TNK2: variants seen among roughly 807,000 people sequenced by gnomAD.
TNK2 encodes tyrosine kinase non receptor 2.
Under a neutral mutation model 101.8 loss-of-function variants are expected in TNK2, and 83 were observed. The ratio of observed to expected loss-of-function variants is 0.82; its 90% confidence interval spans 0.68 to 0.98. The LOEUF (loss-of-function observed/expected upper bound fraction) is 0.98, where lower values mean the gene tolerates loss of function less well. Ranked by LOEUF, TNK2 falls within the 50% of genes least tolerant of loss-of-function variation. The pLI is 0.00. For missense variants in TNK2, 1,665 were observed against 1,483.2 expected, an observed-to-expected ratio of 1.12 and a Z score of -2.01; for synonymous variants, 804 against 633.0, an observed-to-expected ratio of 1.27 and a Z score of -4.06.
intron 10 of TNK2, chr3:195,870,480 AC>A: frequency 1.7e-5 from 20 of 1,145,560 alleles, no homozygotes; most frequent in East Asian, 5.3e-5. Flanking sequence ...GTCCTCCACA[AC>A]CCCCCAGGCC....
In TNK2 at chr3:195,870,123, C is replaced by A; in HGVS notation, c.1534G>T (p.Gly512Trp). 2 of 1,465,852 alleles carry A rather than the reference C, an allele frequency of 1.4e-6. No homozygotes were observed. Among genetic ancestry groups the A allele is most frequent in the Non-Finnish European group, 1.8e-6 (2 of 1,103,112 alleles). 90.8% of individuals were successfully genotyped at this position (1,465,852 alleles called of 1,614,324 possible). A position where few individuals can be genotyped will look rare whatever the true frequency, so the allele number is the denominator to read the frequency against. ...GCAGAGGGGCTCTTACTTTTCACCC[C>A]TCCTAGATGCTGGGGGGGCCGGGAG... ...STSRPPQHLG[G>W]VKREPPPRPP... The change falls in exon 11 of 16, where the codon GGG (glycine) becomes TGG (tryptophan). Residue 512 changes from glycine to tryptophan, a missense_variant. This residue lies in a region of TNK2 where 1,136 missense variants were observed against 894.9 expected (regional missense o/e 1.27). Transcript: ENST00000672887.
At chr3:195,896,085 C>T (rs1174784437) in intron 1 of TNK2, 2 of 455,624 alleles carry the variant, frequency 4.4e-6, no homozygotes, top group Non-Finnish European at 8.8e-6. Context: ...CACGAGGGCC[C>T]GGACTCCTGC....
In TNK2 at chr3:195,878,520, C is replaced by T. The variant is rs1750668183; in HGVS notation, c.1087G>A (p.Val363Ile). ...PEDCPQDIYN[V>I]MVQCWAHKPE... The stretch of plus-strand genomic sequence containing the variant: ...TTGTGAGCCCAGCACTGGACCATGA[C>T]GTTGTAGATGTCCTGGGGACAGTCC... The change falls in exon 8 of 16, where the codon GTC becomes ATC. Residue 363 changes from valine (V) to isoleucine (I), a missense_variant. Coordinates refer to ENST00000672887, the MANE Select transcript of TNK2 (RefSeq NM_001382273.1). This position sits in a 1 kb window ranked among gnomAD's most constrained non-coding sequence, Gnocchi z 4.7. 1.9e-6 allele frequency: 3 copies of T among 1,613,740 alleles called. No homozygotes were observed. The highest frequency in any genetic ancestry group is 2.2e-5 in the East Asian group (1 of 44,890).
chr3:195,895,156 C>T (rs930114212), intron 1 of TNK2: 3 of 1,289,652 alleles, frequency 2.3e-6, no homozygotes, highest in African/African-American at 3.1e-5. Context: ...CTCCTGAGGC[C>T]GCCGCAGGGG....
chr3:195,871,938 C>A (rs1274440948), intron 10 of TNK2, among the ~76,000 whole-genome samples: 1 of 151,324 alleles, frequency 6.6e-6, no homozygotes, highest in Non-Finnish European at 1.5e-5. Context: ...GAACCCTCCC[C>A]TGGAGAACAT....
intron 1 of TNK2, chr3:195,895,371 C>T (rs752011991): frequency 6.4e-7 from 1 of 1,554,888 alleles, no homozygotes; most frequent in South Asian, 1.2e-5. Flanking sequence ...GCAGCGGCAC[C>T]GGCAGCGTCA....
At position 195,885,758 on chromosome 3, in the gene TNK2, G is replaced by A; in HGVS notation, c.235-725C>T. On this transcript the variant is annotated intron_variant, in intron 3 of 15. Coordinates refer to ENST00000672887, the MANE Select transcript of TNK2 (RefSeq NM_001382273.1). This position sits in a 1 kb window ranked among gnomAD's most constrained non-coding sequence, Gnocchi z 4.7. Reference sequence around the variant, plus strand: ...CCGAAGGTCAAGGGACAGAAGAAAGGAGGCCATGAGGGTCAAAGCTGGCCA... The same window carrying A: ...CCGAAGGTCAAGGGACAGAAGAAAGAAGGCCATGAGGGTCAAAGCTGGCCA... 1 of 407,872 alleles carries A rather than the reference G, an allele frequency of 2.5e-6. No individual in the cohort carries two copies. Among genetic ancestry groups the A allele is most frequent in the Non-Finnish European group, 4.5e-6 (1 of 224,684 alleles). The allele number at this position is 407,872 out of a possible 1,614,324, so 25.3% of individuals were successfully genotyped here. A position where few individuals can be genotyped will look rare whatever the true frequency, so the allele number is the denominator to read the frequency against.
Position 195,903,029 on chromosome 3 carries a change from C to T in TNK2, c.-19+5456G>A, listed in dbSNP as rs535207025. On this transcript the variant is annotated intron_variant, in intron 1 of 15. Coordinates refer to ENST00000672887, the MANE Select transcript of TNK2 (RefSeq NM_001382273.1). ...CCTCCCAAAGTACTGGGATTACAGG[C>T]GTGAGCCACCGCACCCGGCCAGCTA... is the stretch of plus-strand genomic sequence containing the variant. Among the ~76,000 whole-genome samples the T allele has an allele frequency of 7.9e-5, 12 of 151,586 alleles. No homozygotes were observed. The South Asian group carries it at 1.9e-3, about 24-fold the overall frequency.
chr3:195,870,893 AGTGTGTGTGGGCCCGCTGTGTGGGTTCTG>A (rs1315572794), intron 10 of TNK2, among the ~76,000 whole-genome samples: 6 of 133,650 alleles, frequency 4.5e-5, no homozygotes, highest in Admixed American at 1.5e-4. Context: ...TTGGGGTTCC[AGTGTGTGTGGGCCCGCTGTGTGGGTTCTG>A]GTGTGTGGGG....
chr3:195,873,049 C>T (rs1007098830), intron 9 of TNK2, among the ~76,000 whole-genome samples: 14 of 152,140 alleles, frequency 9.2e-5, no homozygotes, highest in Non-Finnish European at 2.1e-4. Context: ...TAGGAGCACT[C>T]GGGCAACTCA....
At position 195,882,188 on chromosome 3, in the gene TNK2, G is replaced by C; in HGVS notation, c.750C>G (p.His250Gln). 6.2e-7 allele frequency: 1 copy of C among 1,613,910 alleles called. No homozygotes were observed. The highest frequency in any genetic ancestry group is 8.5e-7 in the Non-Finnish European group (1 of 1,180,022). Reference sequence around the variant, plus strand: ...GCAGATTGCGGGCAGCCAGGTCACGGTGAATAAAGCGCTTGGACTCCAGGT... The same window carrying C: ...GCAGATTGCGGGCAGCCAGGTCACGCTGAATAAAGCGCTTGGACTCCAGGT... ...MGYLESKRFI[H>Q]RDLAARNLLL... The change falls in exon 6 of 16, where the codon CAC becomes CAG. Residue 250 changes from histidine to glutamine, a missense_variant. His to Gln is a conservative substitution (Grantham distance 24). Coordinates refer to ENST00000672887, the MANE Select transcript of TNK2 (RefSeq NM_001382273.1). This position sits in a 1 kb window ranked among gnomAD's most constrained non-coding sequence, Gnocchi z 4.2.
rs62283329 is a variant in TNK2, at chr3:195,868,090, C to G, written c.2208G>C (p.Pro736=). The change falls in exon 13 of 16, where the codon CCG becomes CCC. Residue 736 remains proline, a synonymous_variant. Transcript: ENST00000672887. ...QQECMRQLQA[P]AGSPAPSPSP... is the part of the protein sequence containing the mutation. ...TGGGAGAGGGGGCCGGGGAGCCGGC[C>G]GGAGCCTGCAGTTGCCTCATGCACT... The G allele has an allele frequency of 6.2e-7, 1 of 1,610,132 alleles. No homozygotes were observed. The highest frequency in any genetic ancestry group is 1.1e-5 in the South Asian group (1 of 90,806).
At position 195,878,667 on chromosome 3, in the gene TNK2, C is replaced by T. The variant is rs1001008895; in HGVS notation, c.1015-75G>A. 9.3e-5 allele frequency: 145 copies of T among 1,554,756 alleles called. No homozygotes were observed. The highest frequency in any genetic ancestry group is 1.2e-4 in the Non-Finnish European group (142 of 1,150,092). On this transcript the variant is annotated intron_variant, in intron 7 of 15. Transcript: ENST00000672887. The surrounding 1 kb of genome is among the most constrained non-coding windows in gnomAD (Gnocchi z 4.7). The stretch of plus-strand genomic sequence containing the variant: ...TTCACTTCCCGCCTTCCCTCCAGCC[C>T]ATCCACAGCTGCAGCGGCTGCTGCC...
In TNK2 at chr3:195,868,090, C is replaced by T. The variant is rs62283329; in HGVS notation, c.2208G>A (p.Pro736=). The stretch of plus-strand genomic sequence containing the variant: ...TGGGAGAGGGGGCCGGGGAGCCGGC[C>T]GGAGCCTGCAGTTGCCTCATGCACT... ...QQECMRQLQA[P]AGSPAPSPSP... is the part of the protein sequence containing the mutation. Residue 736 remains proline, a synonymous_variant, in exon 13 of 16, where the codon CCG becomes CCA. Transcript: ENST00000672887. 14,851 of 1,610,118 alleles carry T rather than the reference C, an allele frequency of 9.2e-3. 118 individuals are homozygous for T. The highest frequency in any genetic ancestry group is 0.01 in the Non-Finnish European group (12,207 of 1,179,064).
At chr3:195,904,375 A>G (rs1243010434) in intron 1 of TNK2, among the ~76,000 whole-genome samples, 1 of 152,162 alleles carries the variant, frequency 6.6e-6, no homozygotes, top group African/African-American at 2.4e-5. Flanking sequence ...ATTCTGACAT[A>G]TGCTGCAATG....
intron 15 of TNK2, among the ~76,000 whole-genome samples, chr3:195,865,694 G>T (rs879437801): frequency 4.7e-5 from 7 of 149,884 alleles, no homozygotes; most frequent in Non-Finnish European, 1.0e-4. Context: ...AATCAGTTAA[G>T]AACGACCCGA....
Position 195,870,181 on chromosome 3 carries a change from G to C in TNK2, c.1476C>G (p.Asp492Glu), listed in dbSNP as rs775825907. The change falls in exon 11 of 16, where the codon GAC becomes GAG. Residue 492 changes from aspartate to glutamate, a missense_variant. Physicochemically the swap from Asp to Glu is conservative, Grantham distance 45 (BLOSUM62 2). Coordinates refer to ENST00000672887, the MANE Select transcript of TNK2 (RefSeq NM_001382273.1). ...IDELYLGNPM[D>E]PPDLLSVELS... ...GTTCCACGCTCAGGAGGTCGGGGGG[G>C]TCCATGGGGTTTCCCAGATACAGTC... 29 of 1,520,118 alleles carry C rather than the reference G, an allele frequency of 1.9e-5. No homozygotes were observed. Among genetic ancestry groups the C allele is most frequent in the Non-Finnish European group, 2.3e-5 (26 of 1,125,842 alleles). 94.2% of individuals were successfully genotyped at this position (1,520,118 alleles called of 1,614,324 possible).
chr3:195,897,270 C>T (rs1284790432), intron 1 of TNK2, among the ~76,000 whole-genome samples: 1 of 152,212 alleles, frequency 6.6e-6, no homozygotes, highest in African/African-American at 2.4e-5. Context: ...ACCTTCAGGT[C>T]GGCTGGGCCT....
Position 195,863,477 on chromosome 3 carries a change from G to C in TNK2, c.*704C>G, listed in dbSNP as rs1738704230. 1 of 152,738 alleles carries C rather than the reference G, an allele frequency of 6.5e-6. No individual in the cohort carries two copies. The highest frequency in any genetic ancestry group is 2.4e-5 in the African/African-American group (1 of 41,466). The allele number at this position is 152,738 out of a possible 1,614,324, so 9.5% of individuals were successfully genotyped here. ...AACATGGAACCGCGTGGGGGAATTGGGTGGAAGAGGAAGCACTGATGTCCC... is the reference window on the plus strand; with the variant it reads ...AACATGGAACCGCGTGGGGGAATTGCGTGGAAGAGGAAGCACTGATGTCCC... On this transcript the variant is annotated 3_prime_UTR_variant, in exon 16 of 16. Coordinates refer to ENST00000672887, the MANE Select transcript of TNK2 (RefSeq NM_001382273.1).
Sources: gnomAD v4.1 joint callset for allele counts (sites outside exome capture counted in the v4.1 genomes callset) on GRCh38, gnomAD v4.1.1 for gene constraint, gnomAD v4.1.1 regional missense constraint, Gnocchi (gnomAD v3.1) non-coding constraint, MANE v1.5 for transcripts, NCBI Gene and HGNC (gene_info 2026-07-23, HGNC 2026-07-21) for gene names.